The following COL25A1 variants were observed in gnomAD, a reference collection of about 807,000 sequenced individuals.
COL25A1 encodes collagen type XXV alpha 1 chain.
In COL25A1, 103 loss-of-function variants were observed where a neutral mutation model predicts 128.4. The ratio of observed to expected loss-of-function variants is 0.80; its 90% CI spans 0.68 to 0.94. COL25A1 has a LOEUF of 0.94. Among genes scored for constraint, COL25A1 ranks in the 40% least tolerant of loss-of-function variants. The pLI is 0.00. For synonymous variants in COL25A1, 279 were observed against 277.2 expected, an observed-to-expected ratio of 1.01 and a Z score of -0.06; for missense variants, 745 against 840.0, an observed-to-expected ratio of 0.89 and a Z score of 1.40.
chr4:109,101,310 C>T (rs898292732), intron 3 of COL25A1, among the ~76,000 whole-genome samples: 11 of 152,068 alleles, frequency 7.2e-5, no homozygotes, highest in African/African-American at 2.7e-4. Flanking sequence ...GCTGAGCCCT[C>T]GGTGACTGCA....
At chr4:108,884,143 T>C in intron 19 of COL25A1, 35 bp downstream of exon 19, 1 of 1,608,162 alleles carries the variant, frequency 6.2e-7, no homozygotes, top group Non-Finnish European at 8.5e-7. Context: ...ATAATTACAG[T>C]TCTGTGAAGC....
intron 8 of COL25A1, among the ~76,000 whole-genome samples, chr4:108,949,662 T>C (rs1262442041): frequency 6.6e-6 from 1 of 152,066 alleles, no homozygotes; most frequent in Non-Finnish European, 1.5e-5. Flanking sequence ...GCCCCTCAAG[T>C]AGCTGGAACT....
At chr4:109,113,883 C>G (rs990117028) in intron 3 of COL25A1, among the ~76,000 whole-genome samples, 2 of 152,018 alleles carry the variant, frequency 1.3e-5, no homozygotes, top group Non-Finnish European at 2.9e-5. Flanking sequence ...AACTAAGTAA[C>G]TTAGCATCCC....
chr4:108,815,943 G>C (rs1731208788), intron 37 of COL25A1, among the ~76,000 whole-genome samples: 1 of 152,164 alleles, frequency 6.6e-6, no homozygotes, highest in Non-Finnish European at 1.5e-5. Context: ...TCTATGTGAA[G>C]TGTGCTAATG....
At chr4:108,833,114 G>A (rs184969866) in intron 31 of COL25A1, among the ~76,000 whole-genome samples, 4 of 151,364 alleles carry the variant, frequency 2.6e-5, no homozygotes, top group East Asian at 1.9e-4. Flanking sequence ...TTAACCGGGC[G>A]TGCTCTGAAC....
intron 19 of COL25A1, among the ~76,000 whole-genome samples, chr4:108,871,235 G>C (rs1738668108): frequency 1.3e-5 from 2 of 152,030 alleles, no homozygotes; most frequent in African/African-American, 4.8e-5. Flanking sequence ...GAAAATTCAG[G>C]GGAAAATTTA....
chr4:109,199,490 A>T (rs1037774188), intron 3 of COL25A1, among the ~76,000 whole-genome samples: 3 of 152,200 alleles, frequency 2.0e-5, no homozygotes, highest in African/African-American at 7.2e-5. Flanking sequence ...AATACAAATG[A>T]GATCTATATT....
chr4:108,906,355 C>G (rs1743528008), intron 13 of COL25A1, among the ~76,000 whole-genome samples: 2 of 152,026 alleles, frequency 1.3e-5, no homozygotes, highest in Admixed American at 6.5e-5. Flanking sequence ...TAGGATTGCT[C>G]TCTCACCTCC....
chr4:109,139,384 A>G (rs935438134), intron 3 of COL25A1, among the ~76,000 whole-genome samples: 2 of 152,102 alleles, frequency 1.3e-5, no homozygotes, highest in African/African-American at 4.8e-5. Flanking sequence ...TTGGTGTTTT[A>G]GTCATGAAGT....
At chr4:109,283,690 G>C (rs1723602947) in intron 3 of COL25A1, among the ~76,000 whole-genome samples, 1 of 152,212 alleles carries the variant, frequency 6.6e-6, no homozygotes. Context: ...TTGCCATCTG[G>C]CTTTAGACTT....
chr4:109,293,062 G>A (rs1294121094), intron 3 of COL25A1, among the ~76,000 whole-genome samples: 5 of 151,832 alleles, frequency 3.3e-5, no homozygotes, highest in Admixed American at 6.6e-5. Context: ...GACAAATTGG[G>A]GTTTCATAAT....
In COL25A1 at chr4:109,026,552, T is replaced by C. The variant is rs117147684; in HGVS notation, c.421-16177A>G. Among the ~76,000 whole-genome samples, 382 of 152,286 alleles carry C rather than the reference T, an allele frequency of 2.5e-3. 13 individuals are homozygous for C. In the East Asian group the frequency reaches 0.059, roughly 24 times the overall value. The stretch of plus-strand genomic sequence containing the variant: ...AAGGTTCAGAGGCTGGTTATAGACT[T>C]GGGAAAAGGGTGTGGGATTGATAGG... On this transcript the variant is annotated intron_variant, in intron 5 of 37. Coordinates refer to ENST00000399132, the MANE Select transcript of COL25A1 (RefSeq NM_198721.4).
At chr4:109,205,472 A>C (rs903705716) in intron 3 of COL25A1, among the ~76,000 whole-genome samples, 1 of 152,118 alleles carries the variant, frequency 6.6e-6, no homozygotes, top group Non-Finnish European at 1.5e-5. Context: ...TGCACTGAAA[A>C]GTAAAGAGCA....
intron 3 of COL25A1, among the ~76,000 whole-genome samples, chr4:109,228,313 A>G (rs1319644611): frequency 1.3e-5 from 2 of 152,136 alleles, no homozygotes; most frequent in Non-Finnish European, 2.9e-5. Flanking sequence ...TAAGTCCACA[A>G]GTCTGCCCCT....
chr4:109,230,866 C>T (rs549558530), intron 3 of COL25A1, among the ~76,000 whole-genome samples: 2 of 152,110 alleles, frequency 1.3e-5, no homozygotes, highest in Non-Finnish European at 2.9e-5. Context: ...TAAGGCCGGG[C>T]GCAGCGGCTC....
intron 3 of COL25A1, among the ~76,000 whole-genome samples, chr4:109,120,287 C>T (rs77757907): frequency 0.033 from 4,947 of 151,544 alleles, 145 homozygotes; most frequent in South Asian, 0.13. Context: ...TGTAATAAGA[C>T]AAGAAGAGGA....
At chr4:109,117,308 G>A (rs982940626) in intron 3 of COL25A1, among the ~76,000 whole-genome samples, 3 of 152,000 alleles carry the variant, frequency 2.0e-5, no homozygotes, top group Non-Finnish European at 4.4e-5. Context: ...TAAGAATTAC[G>A]TCCAATTTCT....
chr4:109,251,310 C>G (rs984492684), intron 3 of COL25A1, among the ~76,000 whole-genome samples: 15 of 152,324 alleles, frequency 9.8e-5, no homozygotes, highest in African/African-American at 3.6e-4. Context: ...CTCCAGCAAT[C>G]ACATTAGCTG....
intron 3 of COL25A1, among the ~76,000 whole-genome samples, chr4:109,220,159 CTA>C (rs1035187136): frequency 6.6e-6 from 1 of 152,170 alleles, no homozygotes; most frequent in African/African-American, 2.4e-5. Flanking sequence ...AAAAAACACA[CTA>C]TGAGAAAATC....
Sources: gnomAD v4.1 joint callset for allele counts (sites outside exome capture counted in the v4.1 genomes callset) on GRCh38, gnomAD v4.1.1 for gene constraint, MANE v1.5 for transcripts, NCBI Gene and HGNC (gene_info 2026-07-23, HGNC 2026-07-21) for gene names.